AUTS2: variants seen among roughly 807,000 people sequenced by gnomAD.
AUTS2 encodes activator of transcription and developmental regulator AUTS2, also known as autism susceptibility gene 2 protein.
A neutral mutation model predicts 112.4 loss-of-function variants in AUTS2; 17 were observed. The ratio of observed to expected loss-of-function variants is 0.15; its 90% CI spans 0.10 to 0.23. The LOEUF is 0.23. AUTS2 is among the 10% of genes least tolerant of loss of function. The probability of loss-of-function intolerance (pLI) is 1.00; values close to 1 mark genes in which losing one functional copy is unlikely to be tolerated. For missense variants in AUTS2, 1,510 were observed against 1,701.6 expected, an observed-to-expected ratio of 0.89 and a Z score of 1.98; for synonymous variants, 751 against 702.7, an observed-to-expected ratio of 1.07 and a Z score of -1.09.
chr7:69,639,577 T>C (rs756327920), intron 1 of AUTS2, among the ~76,000 whole-genome samples: 2 of 152,226 alleles, frequency 1.3e-5, no homozygotes, highest in Non-Finnish European at 2.9e-5. Flanking sequence ...CTGATCACAA[T>C]TGAAGCATGT....
At chr7:70,013,576 A>G (rs1210872174) in intron 2 of AUTS2, among the ~76,000 whole-genome samples, 1 of 152,208 alleles carries the variant, frequency 6.6e-6, no homozygotes, top group African/African-American at 2.4e-5. Context: ...TGGAAGGTGG[A>G]CATAGCTGTG....
intron 4 of AUTS2, among the ~76,000 whole-genome samples, chr7:70,222,831 A>C (rs182362995): frequency 6.6e-6 from 1 of 152,012 alleles, no homozygotes; most frequent in Non-Finnish European, 1.5e-5. Context: ...CAACTCATAA[A>C]ATATTTGAAT....
intron 4 of AUTS2, among the ~76,000 whole-genome samples, chr7:70,158,497 A>AC (rs1468955290): frequency 6.6e-6 from 1 of 152,196 alleles, no homozygotes; most frequent in Non-Finnish European, 1.5e-5. Flanking sequence ...GCTTTATTCA[A>AC]CCAAGTGAGT....
chr7:70,667,643 G>A (rs1001572303), intron 5 of AUTS2, among the ~76,000 whole-genome samples: 1 of 152,156 alleles, frequency 6.6e-6, no homozygotes, highest in African/African-American at 2.4e-5. Context: ...TCAAAACTTT[G>A]GTAAGACTGG....
intron 1 of AUTS2, among the ~76,000 whole-genome samples, chr7:69,786,485 C>T (rs1024727754): frequency 6.6e-6 from 1 of 152,194 alleles, no homozygotes; most frequent in African/African-American, 2.4e-5. Flanking sequence ...TAAAAGCTGG[C>T]CACCCCAGCC....
chr7:70,401,612 A>C (rs552816967), intron 4 of AUTS2, among the ~76,000 whole-genome samples: 1 of 152,298 alleles, frequency 6.6e-6, no homozygotes, highest in Admixed American at 6.5e-5. Context: ...AGAGGAAAGG[A>C]TCCAGAATGA....
At chr7:69,806,424 A>G (rs1243072150) in intron 1 of AUTS2, among the ~76,000 whole-genome samples, 1 of 151,832 alleles carries the variant, frequency 6.6e-6, no homozygotes, top group Admixed American at 6.6e-5. Context: ...TGAACTGTCT[A>G]CTTCTTACAG....
intron 4 of AUTS2, among the ~76,000 whole-genome samples, chr7:70,317,231 G>A (rs1790038601): frequency 6.6e-6 from 1 of 152,056 alleles, no homozygotes. Flanking sequence ...TTTGTCTGCT[G>A]GAGCATTTGT....
chr7:70,357,644 G>T (rs956208306), intron 4 of AUTS2, among the ~76,000 whole-genome samples: 1 of 152,078 alleles, frequency 6.6e-6, no homozygotes, highest in South Asian at 2.1e-4. Context: ...GTAAACGCAC[G>T]GCCTTTTTAA....
Position 70,774,103 on chromosome 7 carries a change from C to T in AUTS2, c.1902+4C>T, listed in dbSNP as rs377220148. 9.9e-6 allele frequency: 16 copies of T among 1,613,960 alleles called. No individual in the cohort carries two copies. The highest frequency in any genetic ancestry group is 6.7e-5 in the African/African-American group (5 of 74,922). ...TTTACTCCAAAAGGACCCGAGGGTA[C>T]GTGCAAAGTCAGGCTTGGTCTCAGG... On this transcript the variant is annotated splice_donor_region_variant and intron_variant, in intron 12 of 18. Coordinates refer to ENST00000342771, the MANE Select transcript of AUTS2 (RefSeq NM_015570.4).
chr7:70,450,694 A>G (rs1249213818), intron 5 of AUTS2, among the ~76,000 whole-genome samples: 1 of 152,144 alleles, frequency 6.6e-6, no homozygotes, highest in Non-Finnish European at 1.5e-5. Context: ...GACATTTTGG[A>G]GGAGGATTCA....
intron 4 of AUTS2, among the ~76,000 whole-genome samples, chr7:70,225,330 T>C (rs1050521091): frequency 6.6e-6 from 1 of 152,250 alleles, no homozygotes; most frequent in African/African-American, 2.4e-5. Context: ...CTCCAAAATA[T>C]TAGATTAGCA....
chr7:69,610,802 C>T (rs564802901), intron 1 of AUTS2, among the ~76,000 whole-genome samples: 1 of 152,210 alleles, frequency 6.6e-6, no homozygotes, highest in East Asian at 1.9e-4. Context: ...GTGTCATAAC[C>T]ACTTCAGAGT....
At chr7:70,073,756 A>G (rs1393321830) in intron 2 of AUTS2, among the ~76,000 whole-genome samples, 4 of 152,204 alleles carry the variant, frequency 2.6e-5, no homozygotes, top group Non-Finnish European at 4.4e-5. Context: ...TAACATAGAA[A>G]TGCCCTCCTT....
chr7:69,607,251 A>G (rs1394879657), intron 1 of AUTS2, among the ~76,000 whole-genome samples: 2 of 152,274 alleles, frequency 1.3e-5, no homozygotes, highest in East Asian at 1.9e-4. Flanking sequence ...TTTATTTCAT[A>G]TATTAGTGTA....
chr7:69,861,981 T>A (rs1206088959), intron 1 of AUTS2, among the ~76,000 whole-genome samples: 1 of 152,236 alleles, frequency 6.6e-6, no homozygotes, highest in African/African-American at 2.4e-5. Flanking sequence ...AGTTAGTCTC[T>A]CGTGTGGTTT....
chr7:70,365,339 C>T (rs1450126002), intron 4 of AUTS2, among the ~76,000 whole-genome samples: 1 of 152,092 alleles, frequency 6.6e-6, no homozygotes, highest in African/African-American at 2.4e-5. Flanking sequence ...TATGAGGAAC[C>T]AATACATGTG....
At chr7:70,327,979 G>T (rs772491632) in intron 4 of AUTS2, among the ~76,000 whole-genome samples, 1 of 152,104 alleles carries the variant, frequency 6.6e-6, no homozygotes, top group Admixed American at 6.6e-5. Flanking sequence ...TTATCCCCCA[G>T]TTGGATCCAT....
intron 1 of AUTS2, among the ~76,000 whole-genome samples, chr7:69,688,781 C>T (rs947305093): frequency 2.6e-5 from 4 of 152,148 alleles, no homozygotes; most frequent in Non-Finnish European, 5.9e-5. Context: ...CCTATCTTCC[C>T]CACACCCCCT....
Sources: gnomAD v4.1 joint callset for allele counts (sites outside exome capture counted in the v4.1 genomes callset) on GRCh38, gnomAD v4.1.1 for gene constraint, MANE v1.5 for transcripts, NCBI Gene and HGNC (gene_info 2026-07-23, HGNC 2026-07-21) for gene names.